The following LRRN1 variants were observed in gnomAD, a reference collection of about 807,000 sequenced individuals.
LRRN1 encodes the protein leucine-rich repeat neuronal protein 1.
Under a neutral mutation model 45.8 loss-of-function variants are expected in LRRN1, and 14 were observed. The observed-to-expected ratio is 0.31, with a 90% CI of 0.20 to 0.48. The LOEUF (loss-of-function observed/expected upper bound fraction) is 0.48. Ranked by LOEUF, LRRN1 falls within the 20% of genes least tolerant of loss-of-function variation. The pLI is 0.99. For synonymous variants in LRRN1, 359 were observed against 330.1 expected (o/e 1.09, Z -0.95); for missense variants, 789 against 874.2 (o/e 0.90, Z 1.23).
At chr3:3,835,226 A>G (rs1238393926) in intron 1 of LRRN1, among the ~76,000 whole-genome samples, 2 of 152,150 alleles carry the variant, frequency 1.3e-5, no homozygotes, top group Non-Finnish European at 2.9e-5. Context: ...TAACCTACCA[A>G]ACATCATAGC....
chr3:3,815,458 C>T (rs1692968020), intron 1 of LRRN1, among the ~76,000 whole-genome samples: 2 of 152,144 alleles, frequency 1.3e-5, no homozygotes, highest in Admixed American at 6.5e-5. Context: ...TGGAATGGTA[C>T]AGAAACCTAC....
In LRRN1 at chr3:3,849,810, A is replaced by G. The variant is rs1467394557; in HGVS notation, c.*3018A>G. ...AATCATCTCTATTTTTTTGCAAACA[A>G]TATCAAAGTGCATATTTTCTCTCAT... is the stretch of plus-strand genomic sequence containing the variant. On this transcript the variant is annotated 3_prime_UTR_variant, in exon 2 of 2. Coordinates refer to ENST00000319331, the MANE Select transcript of LRRN1 (RefSeq NM_020873.7). 3.3e-5 allele frequency among the ~76,000 whole-genome samples: 5 copies of G among 152,208 alleles called. No homozygotes were observed. The highest frequency in any genetic ancestry group is 3.3e-4 in the Admixed American group (5 of 15,276).
chr3:3,821,360 TA>T (rs1373786038), intron 1 of LRRN1, among the ~76,000 whole-genome samples: 1 of 152,194 alleles, frequency 6.6e-6, no homozygotes, highest in Non-Finnish European at 1.5e-5. Context: ...GAAGTTGCAT[TA>T]GATAGTGCTA....
intron 1 of LRRN1, among the ~76,000 whole-genome samples, chr3:3,842,100 T>C (rs1444108853): frequency 6.6e-6 from 1 of 152,164 alleles, no homozygotes; most frequent in Non-Finnish European, 1.5e-5. Flanking sequence ...CAATGGGCAA[T>C]TGTAACACAA....
chr3:3,845,607 C>T lies in LRRN1; in HGVS notation c.966C>T (p.Asn322=). ...TCACAAAGCTGGAAGCCACCAATAA[C>T]CCTAAACTCTCTTACATCCACCGCT... is the stretch of plus-strand genomic sequence containing the variant. ...PELTKLEATN[N]PKLSYIHRLA... is the part of the protein sequence containing the mutation. The change falls in exon 2 of 2, where the codon AAC becomes AAT. Residue 322 remains asparagine (N), a synonymous_variant. Transcript: ENST00000319331. The surrounding 1 kb of genome is among the most constrained non-coding windows in gnomAD (Gnocchi z 6.5). The T allele has an allele frequency of 6.2e-7, 1 of 1,614,100 alleles. No individual in the cohort carries two copies.
rs910736859 is a variant in LRRN1 at position 3,799,826 on chromosome 3, C to T, written c.-372C>T. 6.1e-5 allele frequency: 10 copies of T among 163,172 alleles called. No homozygotes were observed. The highest frequency in any genetic ancestry group is 2.3e-3 in the Middle Eastern group (1 of 440). The allele number at this position is 163,172 out of a possible 1,614,324, so 10.1% of individuals were successfully genotyped here. A position where few individuals can be genotyped will look rare whatever the true frequency, so the allele number is the denominator to read the frequency against. On this transcript the variant is annotated 5_prime_UTR_variant, in exon 1 of 2. Transcript: ENST00000319331. The stretch of plus-strand genomic sequence containing the variant: ...CTCAGCTAGTCCTCCTCCTCCTCCT[C>T]GTCTTTCTCCTCCTCCTGCTGCTGC...
chr3:3,834,615 T>C (rs910737681), intron 1 of LRRN1, among the ~76,000 whole-genome samples: 11 of 139,320 alleles, frequency 7.9e-5, no homozygotes, highest in Admixed American at 7.6e-4. Flanking sequence ...ATATAATATA[T>C]GTAAAGGAGA....
chr3:3,842,296 C>G (rs748913401), intron 1 of LRRN1, among the ~76,000 whole-genome samples: 1 of 151,526 alleles, frequency 6.6e-6, no homozygotes, highest in Admixed American at 6.6e-5. Flanking sequence ...AGAAGAATGC[C>G]AAATGTATGT....
rs1256441773 is a variant in LRRN1 at position 3,812,450 on chromosome 3, T to C, written c.-279+12531T>C. 3.3e-5 allele frequency among the ~76,000 whole-genome samples: 5 copies of C among 152,174 alleles called. No individual in the cohort carries two copies. In the East Asian group the frequency reaches 9.6e-4, roughly 29 times the overall value. ...CAAAGCCCAGAGGTGAGAAGGACTT[T>C]GGTATGCTTGATCAACAGGGAGAAG... is the stretch of plus-strand genomic sequence containing the variant. On this transcript the variant is annotated intron_variant, in intron 1 of 1. Coordinates refer to ENST00000319331, the MANE Select transcript of LRRN1 (RefSeq NM_020873.7).
intron 1 of LRRN1, among the ~76,000 whole-genome samples, chr3:3,824,533 C>T (rs1000047155): frequency 4.4e-5 from 2 of 45,024 alleles, no homozygotes; most frequent in African/African-American, 7.6e-5. Context: ...TTCGGCTGAC[C>T]TGACTAATTT....
At chr3:3,823,792 A>C (rs1693158259) in intron 1 of LRRN1, among the ~76,000 whole-genome samples, 2 of 152,106 alleles carry the variant, frequency 1.3e-5, no homozygotes, top group South Asian at 4.1e-4. Context: ...TTTAAAGCTA[A>C]ACACAGTTTC....
At chr3:3,811,955 A>T in intron 1 of LRRN1, among the ~76,000 whole-genome samples, 1 of 152,222 alleles carries the variant, frequency 6.6e-6, no homozygotes, top group East Asian at 1.9e-4. Context: ...TGTGCTCAGT[A>T]TTGGTTAAAA....
At chr3:3,834,525 G>GACATATATATATATATATATATGATAT (rs750534210) in intron 1 of LRRN1, among the ~76,000 whole-genome samples, 1 of 27,310 alleles carries the variant, frequency 3.7e-5, no homozygotes, top group Admixed American at 6.7e-4. Context: ...GACAGAACAG[G>GACATATATATATATATATATATGATAT]ATATATATAT....
At chr3:3,812,489 A>G (rs559293715) in intron 1 of LRRN1, among the ~76,000 whole-genome samples, 8 of 152,334 alleles carry the variant, frequency 5.3e-5, no homozygotes, top group African/African-American at 1.7e-4. Flanking sequence ...AGTGTGGCTT[A>G]GAATAGAATA....
At chr3:3,810,410 A>G (rs1164524462) in intron 1 of LRRN1, among the ~76,000 whole-genome samples, 1 of 152,246 alleles carries the variant, frequency 6.6e-6, no homozygotes, top group African/African-American at 2.4e-5. Context: ...TGCAGCTACC[A>G]TTGTTACTGT....
In LRRN1 at chr3:3,846,745, A is replaced by C. The variant is rs34611357; in HGVS notation, c.2104A>C (p.Thr702Pro). The change falls in exon 2 of 2, where the codon ACC (threonine) becomes CCC (proline). Residue 702 changes from threonine (T) to proline (P), a missense_variant. Transcript: ENST00000319331. This position sits in a 1 kb window ranked among gnomAD's most constrained non-coding sequence, Gnocchi z 5.7. The stretch of plus-strand genomic sequence containing the variant: ...GAAAGACAAAGATGGTTCTGCAGAC[A>C]CCAAGCCAACCCAGGTCGACACATC... Reference protein sequence around the residue: ...SEKDKDGSADTKPTQVDTSRS... With the variant: ...SEKDKDGSADPKPTQVDTSRS... The C allele has an allele frequency of 3.6e-3, 5,865 of 1,613,370 alleles. 185 individuals carry two copies. In the African/African-American group the frequency reaches 0.069, roughly 19 times the overall value.
chr3:3,824,810 T>C (rs1048321878), intron 1 of LRRN1, among the ~76,000 whole-genome samples: 1 of 152,192 alleles, frequency 6.6e-6, no homozygotes, highest in African/African-American at 2.4e-5. Context: ...GGATTGTCTA[T>C]CTAGAGTGCA....
chr3:3,821,548 C>G (rs1229499112), intron 1 of LRRN1, among the ~76,000 whole-genome samples: 1 of 152,072 alleles, frequency 6.6e-6, no homozygotes, highest in African/African-American at 2.4e-5. Context: ...CTTCCTGGCC[C>G]TGTGACACAG....
rs1352315369 is a variant in LRRN1, at chr3:3,847,417, C to G, written c.*625C>G. 4 of 164,106 alleles carry G rather than the reference C, an allele frequency of 2.4e-5. No homozygotes were observed. The East Asian group carries it at 7.8e-4, about 32-fold the overall frequency. 10.2% of individuals were successfully genotyped at this position (164,106 alleles called of 1,614,324 possible). A position where few individuals can be genotyped will look rare whatever the true frequency, so the allele number is the denominator to read the frequency against. On this transcript the variant is annotated 3_prime_UTR_variant, in exon 2 of 2. Transcript: ENST00000319331. Reference sequence around the variant, plus strand: ...TTTTTTGTTGTAATAGTTAAAGAGGCTTAGAACAAGCTAACAGGCAATAGA... The same window carrying G: ...TTTTTTGTTGTAATAGTTAAAGAGGGTTAGAACAAGCTAACAGGCAATAGA...
Sources: allele counts gnomAD v4.1 joint callset (sites outside exome capture counted in the v4.1 genomes callset), GRCh38; gene constraint gnomAD v4.1.1; non-coding constraint Gnocchi (gnomAD v3.1); transcripts MANE v1.5; gene names NCBI Gene and HGNC (gene_info 2026-07-23, HGNC 2026-07-21).